Variants in NKAIN3 observed in about 807,000 individuals in gnomAD.
NKAIN3 encodes sodium/potassium-transporting ATPase subunit beta-1-interacting protein 3.
A neutral mutation model predicts 30.2 loss-of-function variants in NKAIN3; 25 were observed. The ratio of observed to expected loss-of-function variants is 0.83; its 90% CI spans 0.60 to 1.16. The LOEUF (loss-of-function observed/expected upper bound fraction) is 1.16. Ranked by LOEUF, NKAIN3 falls within the 50% of genes most tolerant of loss-of-function variation. The probability of loss-of-function intolerance (pLI) is 0.00; values close to 1 mark genes in which losing one functional copy is unlikely to be tolerated. For missense variants in NKAIN3, 225 were observed against 254.1 expected (o/e 0.89, Z 0.78); for synonymous variants, 91 against 89.6 (o/e 1.02, Z -0.09).
chr8:62,752,805 T>C (rs1816328446), intron 4 of NKAIN3, among the ~76,000 whole-genome samples: 1 of 152,184 alleles, frequency 6.6e-6, no homozygotes, highest in East Asian at 1.9e-4. Context: ...CCAAAGTATG[T>C]AAAATTTTTT....
At chr8:62,796,470 A>G (rs73256942) in intron 4 of NKAIN3, among the ~76,000 whole-genome samples, 2,064 of 150,960 alleles carry the variant, frequency 0.014, 48 homozygotes, top group African/African-American at 0.049. Flanking sequence ...AGGCTGCTCA[A>G]TTTGTCTAGA....
intron 1 of NKAIN3, among the ~76,000 whole-genome samples, chr8:62,317,786 T>C (rs1814695351): frequency 6.6e-6 from 1 of 152,250 alleles, no homozygotes; most frequent in African/African-American, 2.4e-5. Context: ...ATGTGAACTT[T>C]AAAGTTGTTT....
chr8:62,422,010 C>T (rs1490253950), intron 1 of NKAIN3, among the ~76,000 whole-genome samples: 1 of 152,080 alleles, frequency 6.6e-6, no homozygotes, highest in Non-Finnish European at 1.5e-5. Flanking sequence ...TTAACAGCTG[C>T]TATTACAGCA....
At chr8:62,681,846 A>G (rs1054978058) in intron 3 of NKAIN3, among the ~76,000 whole-genome samples, 11 of 152,208 alleles carry the variant, frequency 7.2e-5, no homozygotes, top group African/African-American at 2.7e-4. Context: ...GATTATAAGA[A>G]TCAGGCTCAA....
At chr8:62,394,763 C>A in intron 1 of NKAIN3, among the ~76,000 whole-genome samples, 1 of 149,266 alleles carries the variant, frequency 6.7e-6, no homozygotes, top group Admixed American at 6.7e-5. Context: ...GGCAGAGGCG[C>A]TCATCACTTC....
At chr8:62,491,730 T>C (rs1807071967) in intron 1 of NKAIN3, among the ~76,000 whole-genome samples, 1 of 152,098 alleles carries the variant, frequency 6.6e-6, no homozygotes, top group South Asian at 2.1e-4. Context: ...TAAGTAGCTG[T>C]AGGAAATAAA....
chr8:62,825,697 G>T (rs1443904001), intron 4 of NKAIN3, among the ~76,000 whole-genome samples: 1 of 152,188 alleles, frequency 6.6e-6, no homozygotes, highest in African/African-American at 2.4e-5. Flanking sequence ...GACCATGTAT[G>T]ATATGTGGTC....
chr8:62,412,325 A>T (rs1804264359), intron 1 of NKAIN3, among the ~76,000 whole-genome samples: 1 of 151,904 alleles, frequency 6.6e-6, no homozygotes, highest in African/African-American at 2.4e-5. Context: ...AACAAAAAAA[A>T]ACAGTGGGGA....
chr8:62,723,223 TA>T (rs1310473230), intron 3 of NKAIN3, among the ~76,000 whole-genome samples: 9 of 152,198 alleles, frequency 5.9e-5, no homozygotes. Flanking sequence ...CAACATTTAT[TA>T]TTTTTCTGAA....
chr8:62,328,061 A>C (rs1337987295), intron 1 of NKAIN3, among the ~76,000 whole-genome samples: 1 of 152,146 alleles, frequency 6.6e-6, no homozygotes, highest in Non-Finnish European at 1.5e-5. Flanking sequence ...TTTGCATTGC[A>C]TACTGATCCA....
chr8:62,311,697 G>A (rs1329391447), intron 1 of NKAIN3, among the ~76,000 whole-genome samples: 3 of 150,406 alleles, frequency 2.0e-5, no homozygotes, highest in African/African-American at 7.5e-5. Context: ...TCTCCACATG[G>A]ACGTGCCACC....
intron 3 of NKAIN3, among the ~76,000 whole-genome samples, chr8:62,703,655 T>A (rs751036043): frequency 2.6e-5 from 4 of 152,212 alleles, no homozygotes; most frequent in Non-Finnish European, 5.9e-5. Context: ...GGGGATTTCC[T>A]GTCTCCCTCT....
chr8:62,269,894 G>A (rs1389036468), intron 1 of NKAIN3, among the ~76,000 whole-genome samples: 2 of 151,646 alleles, frequency 1.3e-5, no homozygotes, highest in Non-Finnish European at 2.9e-5. Flanking sequence ...CAAAACATGG[G>A]GTATAATAAG....
intron 4 of NKAIN3, among the ~76,000 whole-genome samples, chr8:62,847,466 G>C (rs1017013379): frequency 1.3e-5 from 2 of 151,866 alleles, no homozygotes; most frequent in African/African-American, 4.8e-5. Flanking sequence ...TATGATTGTT[G>C]GCCACATGTA....
intron 3 of NKAIN3, among the ~76,000 whole-genome samples, chr8:62,745,483 A>G (rs905872042): frequency 6.6e-6 from 1 of 152,174 alleles, no homozygotes; most frequent in Middle Eastern, 3.2e-3. Context: ...GCCTCTCTCC[A>G]TCACCACTAC....
chr8:62,724,526 C>T (rs1017646282), intron 3 of NKAIN3, among the ~76,000 whole-genome samples: 1 of 152,090 alleles, frequency 6.6e-6, no homozygotes, highest in African/African-American at 2.4e-5. Context: ...CCCCACTACA[C>T]CCTACTACCC....
intron 4 of NKAIN3, among the ~76,000 whole-genome samples, chr8:62,852,556 T>C (rs1819941733): frequency 6.6e-6 from 1 of 152,200 alleles, no homozygotes; most frequent in Admixed American, 6.5e-5. Flanking sequence ...AGGGTATCAA[T>C]TTTAGATCTT....
At chr8:62,990,722 T>G (rs1159646688) in intron 5 of NKAIN3, 1 of 152,216 alleles carries the variant, frequency 6.6e-6, no homozygotes, top group Non-Finnish European at 1.5e-5. Context: ...GCTCTGGAGC[T>G]CGCCTTACAC....
intron 3 of NKAIN3, among the ~76,000 whole-genome samples, chr8:62,731,098 A>T (rs1815448922): frequency 6.6e-6 from 1 of 152,052 alleles, no homozygotes; most frequent in Admixed American, 6.6e-5. Context: ...CTTGCACCTA[A>T]CCTAGATTGG....
Sources: gnomAD v4.1 joint callset for allele counts (sites outside exome capture counted in the v4.1 genomes callset) on GRCh38, gnomAD v4.1.1 for gene constraint, MANE v1.5 for transcripts, NCBI Gene and HGNC (gene_info 2026-07-23, HGNC 2026-07-21) for gene names.